MKI67: variants seen among roughly 807,000 people sequenced by gnomAD.
The protein encoded by MKI67 is marker of proliferation Ki-67.
A neutral mutation model predicts 233.5 loss-of-function variants in MKI67; 152 were observed. That is an observed-to-expected ratio of 0.65 (90% CI 0.57 to 0.74). The LOEUF (loss-of-function observed/expected upper bound fraction) is 0.74. MKI67 is among the 30% of genes least tolerant of loss of function. MKI67 has a pLI of 0.00. For missense variants in MKI67, 3,940 were observed against 3,885.2 expected, an observed-to-expected ratio of 1.01 and a Z score of -0.37; for synonymous variants, 1,465 against 1,418.5, an observed-to-expected ratio of 1.03 and a Z score of -0.74.
intron 11 of MKI67, chr10:128,111,440 T>C: frequency 1.9e-6 from 1 of 533,980 alleles, no homozygotes. Flanking sequence ...ATGCAGGACA[T>C]GTGATCCCAA....
chr10:128,107,470 G>A lies in MKI67; in HGVS notation c.4370C>T (p.Thr1457Ile). 2.0e-5 allele frequency: 32 copies of A among 1,614,062 alleles called. No individual in the cohort carries two copies. The highest frequency in any genetic ancestry group is 2.6e-5 in the Non-Finnish European group (31 of 1,180,034). Residue 1457 changes from threonine to isoleucine, a missense_variant, in exon 13 of 15, where the codon ACT (threonine) becomes ATT (isoleucine). Coordinates refer to ENST00000368654, the MANE Select transcript of MKI67 (RefSeq NM_002417.5). ...TTCTAGGGGTTGGGCCTTTTCCTTA[G>A]TTTTTGGGTGCCTCTTGCTACCAGT... The part of the protein sequence containing the change: ...SVTGSKRHPK[T>I]KEKAQPLEDL...
At position 128,103,743 on chromosome 10, in the gene MKI67, G is replaced by T; in HGVS notation, c.8097C>A (p.Gly2699=). 1 of 1,613,994 alleles carries T rather than the reference G, an allele frequency of 6.2e-7. No homozygotes were observed. Among genetic ancestry groups the T allele is most frequent in the Non-Finnish European group, 8.5e-7 (1 of 1,180,030 alleles). ...ATTCGCAGGGTATTTTAGTGGCTTT[G>T]CCAGCAGTCAGTGATTCCTGAGTGT... The part of the protein sequence containing the change: ...SGHTQESLTA[G]KATKIPCESP... The change falls in exon 13 of 15, where the codon GGC becomes GGA. Residue 2699 remains glycine, a synonymous_variant. Coordinates refer to ENST00000368654, the MANE Select transcript of MKI67 (RefSeq NM_002417.5).
chr10:128,112,463 T>G lies in MKI67; in HGVS notation c.1657-18A>C. ...GGCTGTTCCTGACAAGACAAAATTG[T>G]TTACAAGAAGCCTTAACAAGGATCT... On this transcript the variant is annotated intron_variant, in intron 8 of 14. Transcript: ENST00000368654. 7 of 1,609,862 alleles carry G rather than the reference T, an allele frequency of 4.3e-6. No individual in the cohort carries two copies. The highest frequency in any genetic ancestry group is 5.9e-6 in the Non-Finnish European group (7 of 1,177,072).
intron 12 of MKI67, among the ~76,000 whole-genome samples, chr10:128,109,847 A>G (rs7100645): frequency 0.088 from 13,336 of 152,248 alleles, 654 homozygotes; most frequent in Admixed American, 0.13. Context: ...GGAAATATTT[A>G]CCTACCGCAA....
rs1479787602 is a variant in MKI67 at position 128,102,650 on chromosome 10, C to G, written c.9190G>C (p.Glu3064Gln). 1.2e-6 allele frequency: 2 copies of G among 1,614,104 alleles called. No homozygotes were observed. Among genetic ancestry groups the G allele is most frequent in the East Asian group, 2.2e-5 (1 of 44,896 alleles). The change falls in exon 13 of 15, where the codon GAG (glutamate) becomes CAG (glutamine). Residue 3064 changes from glutamate (E) to glutamine (Q), a missense_variant. Transcript: ENST00000368654. ...TSAKRIEPAE[E>Q]LNSNDMKTNK... ...GTTTTCATGTCGTTGCTGTTCAGCT[C>G]TTCCGCAGGTTCAATTCTTTTTGCA...
chr10:128,125,590 G>C lies in MKI67; in HGVS notation c.78C>G (p.Thr26=). The change falls in exon 2 of 15, where the codon ACC becomes ACG. Residue 26 remains threonine (T), a synonymous_variant. Transcript: ENST00000368654. The surrounding 1 kb of genome is among the most constrained non-coding windows in gnomAD (Gnocchi z 5.3). ...GCGGGGCTCACCTTCCAAACAAGCA[G>C]GTGCTGAGGCTCAGGGGAAAGTGGG... ...DGPHFPLSLS[T]CLFGRGIECD... 1 of 1,613,274 alleles carries C rather than the reference G, an allele frequency of 6.2e-7. No individual in the cohort carries two copies. Among genetic ancestry groups the C allele is most frequent in the Middle Eastern group, 1.8e-4 (1 of 5,676 alleles).
intron 7 of MKI67, 119 bp from the exon 8 acceptor site, chr10:128,113,721 C>A: frequency 2.4e-6 from 2 of 829,150 alleles, no homozygotes; most frequent in Non-Finnish European, 3.8e-6. Flanking sequence ...ACAGTACCTA[C>A]AGCACGCCTC....
chr10:128,105,350 C>A lies in MKI67; in HGVS notation c.6490G>T (p.Ala2164Ser), dbSNP rs374443555. ...GCTGCTGGGTCCAGTTTCTGTTTTGCAGTTTCCCTGAACACGTTGATGCCT... is the reference window on the plus strand; with the variant it reads ...GCTGCTGGGTCCAGTTTCTGTTTTGAAGTTTCCCTGAACACGTTGATGCCT... Reference protein sequence around the residue: ...DKGINVFRETAKQKLDPAASV... With the variant: ...DKGINVFRETSKQKLDPAASV... Residue 2164 changes from alanine (A) to serine (S), a missense_variant, in exon 13 of 15, where the codon GCA becomes TCA. By Grantham distance (99) the Ala-to-Ser change is moderately conservative. Coordinates refer to ENST00000368654, the MANE Select transcript of MKI67 (RefSeq NM_002417.5). The A allele has an allele frequency of 3.1e-6, 5 of 1,614,072 alleles. No individual in the cohort carries two copies. The African/African-American group carries it at 6.7e-5, about 22-fold the overall frequency.
At chr10:128,116,386 G>T in intron 6 of MKI67, 105 bp downstream of exon 6, 1 of 1,020,394 alleles carries the variant, frequency 9.8e-7, no homozygotes, top group Non-Finnish European at 1.5e-6. Flanking sequence ...ATTTCTGACA[G>T]GCTAGACATT....
rs757427150 is a variant in MKI67, at chr10:128,103,906, A to G, written c.7934T>C (p.Val2645Ala). 1.2e-6 allele frequency: 2 copies of G among 1,613,464 alleles called. No individual in the cohort carries two copies. Among genetic ancestry groups the G allele is most frequent in the Non-Finnish European group, 1.7e-6 (2 of 1,179,914 alleles). The change falls in exon 13 of 15, where the codon GTA becomes GCA. Residue 2645 changes from valine to alanine, a missense_variant. Transcript: ENST00000368654. ...EPASGDEGIK[V>A]LKQRAKKKPN... ...TTTCTTCTTTGCACGTTGCTTCAAT[A>G]CTTTGATGCCCTCATCACCGCTTGC... is the stretch of plus-strand genomic sequence containing the variant.
Position 128,104,990 on chromosome 10 carries a change from C to G in MKI67, c.6850G>C (p.Gly2284Arg), listed in dbSNP as rs771722984. Residue 2284 changes from glycine to arginine, a missense_variant, in exon 13 of 15, where the codon GGA (glycine) becomes CGA (arginine). By Grantham distance (125) the Gly-to-Arg change is moderately radical. Transcript: ENST00000368654. The part of the protein sequence containing the change: ...GDEKDMKAFM[G>R]TPVQKLDLPG... ...AGGTCCAATTTCTGCACTGGAGTTC[C>G]CATAAATGCTTTCATGTCTTTCTCA... is the stretch of plus-strand genomic sequence containing the variant. 1 of 1,613,308 alleles carries G rather than the reference C, an allele frequency of 6.2e-7. No homozygotes were observed. Among genetic ancestry groups the G allele is most frequent in the Non-Finnish European group, 8.5e-7 (1 of 1,179,896 alleles).
chr10:128,118,598 C>A lies in MKI67; in HGVS notation c.354+655G>T, dbSNP rs1441776426. Among the ~76,000 whole-genome samples, 3 of 152,142 alleles carry A rather than the reference C, an allele frequency of 2.0e-5. No homozygotes were observed. The East Asian group carries it at 5.8e-4, about 29-fold the overall frequency. On this transcript the variant is annotated intron_variant, in intron 5 of 14. Transcript: ENST00000368654. ...GCCTAAATCCCACTAAATTTCCAAG[C>A]ACATGCCGACAACTGTGTTTTAATA...
intron 7 of MKI67, 76 bp from the exon 8 acceptor site, chr10:128,113,678 T>A: frequency 3.6e-6 from 5 of 1,377,270 alleles, no homozygotes; most frequent in Non-Finnish European, 5.1e-6. Flanking sequence ...CACGTTAGCA[T>A]TAAAGACAAA....
At chr10:128,122,454 A>C (rs1852968459) in intron 4 of MKI67, among the ~76,000 whole-genome samples, 1 of 152,150 alleles carries the variant, frequency 6.6e-6, no homozygotes, top group Non-Finnish European at 1.5e-5. Context: ...CAAAATATGA[A>C]TTTCGGGAGA....
At position 128,111,830 on chromosome 10, in the gene MKI67, G is replaced by T; in HGVS notation, c.2089-14C>A. 6.2e-7 allele frequency: 1 copy of T among 1,612,528 alleles called. No individual in the cohort carries two copies. Among genetic ancestry groups the T allele is most frequent in the Non-Finnish European group, 8.5e-7 (1 of 1,179,414 alleles). On this transcript the variant is annotated splice_polypyrimidine_tract_variant and intron_variant, in intron 10 of 14. Coordinates refer to ENST00000368654, the MANE Select transcript of MKI67 (RefSeq NM_002417.5). ...GCCCACAGGCTTCTGTAGAAAACAG[G>T]AAGGAGGTAAACAGGACATTAAAGC...
In MKI67 at chr10:128,102,602, G is replaced by A. The variant is rs768222184; in HGVS notation, c.9238C>T (p.Gln3080Ter). 4 of 1,613,746 alleles carry A rather than the reference G, an allele frequency of 2.5e-6. No homozygotes were observed. Among genetic ancestry groups the A allele is most frequent in the Non-Finnish European group, 3.4e-6 (4 of 1,179,802 alleles). ...ACCTTATTTTCAGGGACCGAGTCTTGTAATTTGTGTTCCTCTTTGTTGGTT... is the reference window on the plus strand; with the variant it reads ...ACCTTATTTTCAGGGACCGAGTCTTATAATTTGTGTTCCTCTTTGTTGGTT... ...MKTNKEEHKL[Q>*]DSVPENKGIS... The change falls in exon 13 of 15, where the codon CAA becomes TAA. Residue 3080 changes from glutamine to a stop codon, truncating the protein, a stop_gained. Transcript: ENST00000368654. LOFTEE classifies it high-confidence loss of function.
At chr10:128,113,002 C>A (rs944069338) in intron 8 of MKI67, among the ~76,000 whole-genome samples, 1 of 152,196 alleles carries the variant, frequency 6.6e-6, no homozygotes, top group East Asian at 1.9e-4. Context: ...GGAAGATGTG[C>A]CATTGATTTT....
chr10:128,098,841 T>C lies in MKI67; in HGVS notation c.*349A>G, dbSNP rs1224582830. 3 of 179,604 alleles carry C rather than the reference T, an allele frequency of 1.7e-5. No homozygotes were observed. The highest frequency in any genetic ancestry group is 1.5e-4 in the East Asian group (1 of 6,506). The allele number at this position is 179,604 out of a possible 1,614,324, so 11.1% of individuals were successfully genotyped here. On this transcript the variant is annotated 3_prime_UTR_variant, in exon 15 of 15. Transcript: ENST00000368654. ...TCCTGCCACCGTGCCCTGGAGGACA[T>C]AGGCAAACAAACGACGACACAGTGT...
At chr10:128,118,424 A>G (rs1490134114) in intron 5 of MKI67, among the ~76,000 whole-genome samples, 3 of 151,760 alleles carry the variant, frequency 2.0e-5, no homozygotes, top group African/African-American at 4.8e-5. Flanking sequence ...AAAGGCAGAA[A>G]TGTTGAAATT....
Sources: allele counts gnomAD v4.1 joint callset (sites outside exome capture counted in the v4.1 genomes callset), GRCh38; gene constraint gnomAD v4.1.1; non-coding constraint Gnocchi (gnomAD v3.1); transcripts MANE v1.5; gene names NCBI Gene and HGNC (gene_info 2026-07-23, HGNC 2026-07-21).